The following CEACAM20 variants were observed in gnomAD, a reference collection of about 807,000 sequenced individuals.
CEACAM20 encodes the protein CEA cell adhesion molecule 20.
A neutral mutation model predicts 61.2 loss-of-function variants in CEACAM20; 50 were observed. That is an observed-to-expected ratio of 0.82 (90% CI 0.65 to 1.03). CEACAM20 has a LOEUF of 1.03. Ranked by LOEUF, CEACAM20 falls within the 50% of genes least tolerant of loss-of-function variation. The pLI is 0.00. For synonymous variants in CEACAM20, 282 were observed against 287.7 expected (o/e 0.98, Z 0.20); for missense variants, 683 against 736.4 (o/e 0.93, Z 0.84).
Position 44,529,601 on chromosome 19 carries a change from A to G in CEACAM20, c.-92T>C. On this transcript the variant is annotated 5_prime_UTR_variant, in exon 1 of 12. Coordinates refer to ENST00000614924, the MANE Select transcript of CEACAM20 (RefSeq NM_001102597.3). ...TCCTCACTCCAGGTGCAGCCCCTCC[A>G]CCTCCCTTCTCTCCTCTCCCACCCT... The G allele has an allele frequency of 1.9e-6, 2 of 1,039,038 alleles. No homozygotes were observed. The highest frequency in any genetic ancestry group is 2.9e-6 in the Non-Finnish European group (2 of 683,068). The allele number at this position is 1,039,038 out of a possible 1,614,324, so 64.4% of individuals were successfully genotyped here. A position where few individuals can be genotyped will look rare whatever the true frequency, so the allele number is the denominator to read the frequency against.
chr19:44,526,467 T>C (rs1486390073), intron 1 of CEACAM20, among the ~76,000 whole-genome samples: 1 of 151,792 alleles, frequency 6.6e-6, no homozygotes, highest in African/African-American at 2.4e-5. Flanking sequence ...ATTGCACCAC[T>C]GCACTCCAGC....
intron 4 of CEACAM20, among the ~76,000 whole-genome samples, chr19:44,521,918 C>T (rs1473134704): frequency 3.9e-5 from 6 of 151,934 alleles, no homozygotes; most frequent in Non-Finnish European, 5.9e-5. Context: ...GACAGTTAAA[C>T]CCCCCACCTC....
Position 44,520,738 on chromosome 19 carries a change from G to C in CEACAM20, c.766C>G (p.Pro256Ala). 1 of 1,612,956 alleles carries C rather than the reference G, an allele frequency of 6.2e-7. No individual in the cohort carries two copies. The highest frequency in any genetic ancestry group is 8.5e-7 in the Non-Finnish European group (1 of 1,179,258). ...KVRVLETLTMPQVVPSSLNLV... is the reference protein window; with the variant it reads ...KVRVLETLTMAQVVPSSLNLV... ...TTCAGGCTTGAAGGCACGACTTGAG[G>C]CATGGTCAGTGTTTCTGGAAACACG... Residue 256 changes from proline to alanine, a missense_variant, in exon 5 of 12, where the codon CCT becomes GCT. Coordinates refer to ENST00000614924, the MANE Select transcript of CEACAM20 (RefSeq NM_001102597.3).
At chr19:44,508,368 A>G (rs1568444859) in intron 11 of CEACAM20, among the ~76,000 whole-genome samples, 1 of 152,134 alleles carries the variant, frequency 6.6e-6, no homozygotes, top group Non-Finnish European at 1.5e-5. Context: ...TTATGCCTGG[A>G]TGAACTAATA....
chr19:44,522,224 C>T (rs903568070), intron 4 of CEACAM20, among the ~76,000 whole-genome samples: 2 of 152,054 alleles, frequency 1.3e-5, no homozygotes, highest in South Asian at 4.1e-4. Context: ...CTGCCTCAGC[C>T]TCCTGAGTAG....
chr19:44,512,833 C>T (rs777948369), intron 8 of CEACAM20, 35 bp downstream of exon 8: 1 of 1,575,556 alleles, frequency 6.3e-7, no homozygotes, highest in South Asian at 1.1e-5. Flanking sequence ...GCCCTCACCC[C>T]TGCCCCAGGC....
intron 5 of CEACAM20, 65 bp downstream of exon 5, chr19:44,520,408 AG>A: frequency 6.4e-7 from 1 of 1,557,402 alleles, no homozygotes. Flanking sequence ...AATGACTAGA[AG>A]GAAGAACTTA....
chr19:44,523,034 T>G, intron 3 of CEACAM20, 122 bp from the exon 4 acceptor site: 1 of 842,726 alleles, frequency 1.2e-6, no homozygotes, highest in South Asian at 1.8e-5. Flanking sequence ...CTAGATCAAT[T>G]GCAAACGAGG....
chr19:44,513,242 T>G lies in CEACAM20; in HGVS notation c.1357A>C (p.Ile453Leu). ...LSSGAIAGIV[I>L]GILAVIAVAS... ...ACAGCAATGACAGCCAGGATCCCGA[T>G]GACAATACCAGCGATGGCCCCTGAG... Residue 453 changes from isoleucine (I) to leucine (L), a missense_variant, in exon 7 of 12, where the codon ATC (isoleucine) becomes CTC (leucine). Transcript: ENST00000614924. 1 of 1,613,728 alleles carries G rather than the reference T, an allele frequency of 6.2e-7. No individual in the cohort carries two copies. The highest frequency in any genetic ancestry group is 8.5e-7 in the Non-Finnish European group (1 of 1,179,830).
At chr19:44,526,815 C>T (rs988164196) in intron 1 of CEACAM20, among the ~76,000 whole-genome samples, 38 of 146,766 alleles carry the variant, frequency 2.6e-4, no homozygotes, top group Admixed American at 2.5e-3. Flanking sequence ...AAGAGGTTGT[C>T]GTGAGCCGAG....
At position 44,525,041 on chromosome 19, in the gene CEACAM20, G is replaced by A. The variant is rs891045810; in HGVS notation, c.196+60C>T. ...TCTGGGGACTTTGGGCGTGAGGTTC[G>A]GATGAGGGATCTCCATGGAGGCAGA... On this transcript the variant is annotated intron_variant, in intron 2 of 11. Transcript: ENST00000614924. The A allele has an allele frequency of 8.8e-5, 140 of 1,587,652 alleles. 1 individual carries two copies. In the South Asian group the frequency reaches 1.0e-3, roughly 11 times the overall value.
chr19:44,517,209 A>C lies in CEACAM20; in HGVS notation c.1046T>G (p.Val349Gly), dbSNP rs1173086462. 1 of 1,606,438 alleles carries C rather than the reference A, an allele frequency of 6.2e-7. No individual in the cohort carries two copies. Among genetic ancestry groups the C allele is most frequent in the African/African-American group, 1.3e-5 (1 of 74,884 alleles). The change falls in exon 6 of 12, where the codon GTG becomes GGG. Residue 349 changes from valine (V) to glycine (G), a missense_variant. Transcript: ENST00000614924. ...ELTINYGPDQVHITRESASEM... is the reference protein window; with the variant it reads ...ELTINYGPDQGHITRESASEM... Reference sequence around the variant, plus strand: ...AGATGCCGACTCCCTGGTGATGTGCACTTGGTCAGGACCATCTGTGTGTAA... The same window carrying C: ...AGATGCCGACTCCCTGGTGATGTGCCCTTGGTCAGGACCATCTGTGTGTAA...
chr19:44,519,106 A>G (rs2123602166), intron 5 of CEACAM20, among the ~76,000 whole-genome samples: 1 of 152,206 alleles, frequency 6.6e-6, no homozygotes, highest in African/African-American at 2.4e-5. Context: ...ACTCTGCTCT[A>G]AGCAGCCTAC....
intron 11 of CEACAM20, among the ~76,000 whole-genome samples, chr19:44,510,754 G>A (rs1970971808): frequency 6.6e-6 from 1 of 152,122 alleles, no homozygotes; most frequent in South Asian, 2.1e-4. Flanking sequence ...GCAGAGTGAA[G>A]TGATATAGAA....
At chr19:44,511,488 G>T in intron 10 of CEACAM20, 149 bp downstream of exon 10, 1 of 799,304 alleles carries the variant, frequency 1.3e-6, no homozygotes. Context: ...CTCTCTGTGA[G>T]GCCTTAGGCT....
At chr19:44,511,237 AG>A in intron 10 of CEACAM20, 82 bp from the exon 11 acceptor site, 1 of 1,525,330 alleles carries the variant, frequency 6.6e-7, no homozygotes, top group Non-Finnish European at 8.9e-7. Flanking sequence ...TCAGGGACCG[AG>A]AGAGTGGAAG....
chr19:44,528,687 C>G (rs1971611667), intron 1 of CEACAM20, among the ~76,000 whole-genome samples: 1 of 151,932 alleles, frequency 6.6e-6, no homozygotes, highest in Non-Finnish European at 1.5e-5. Context: ...CACAGACACA[C>G]AAACACACAT....
At chr19:44,515,719 G>A (rs1015899475) in intron 6 of CEACAM20, among the ~76,000 whole-genome samples, 2 of 152,082 alleles carry the variant, frequency 1.3e-5, no homozygotes, top group Non-Finnish European at 2.9e-5. Flanking sequence ...ATCTCAGCAC[G>A]TTGGGAGGCT....
intron 5 of CEACAM20, among the ~76,000 whole-genome samples, chr19:44,517,435 T>C (rs756651600): frequency 1.1e-4 from 17 of 152,122 alleles, no homozygotes; most frequent in Non-Finnish European, 1.6e-4. Flanking sequence ...GGCTCATGCC[T>C]GTAATTAATC....
Sources: gnomAD v4.1 joint callset for allele counts (sites outside exome capture counted in the v4.1 genomes callset) on GRCh38, gnomAD v4.1.1 for gene constraint, MANE v1.5 for transcripts, NCBI Gene and HGNC (gene_info 2026-07-23, HGNC 2026-07-21) for gene names.